HPSE2: variants seen among roughly 807,000 people sequenced by gnomAD.
HPSE2 encodes the protein inactive heparanase-2.
In HPSE2, 38 loss-of-function variants were observed where a neutral mutation model predicts 60.5. The observed-to-expected ratio is 0.63, with a 90% CI of 0.48 to 0.82. The LOEUF (loss-of-function observed/expected upper bound fraction) is 0.82. Ranked by LOEUF, HPSE2 falls within the 40% of genes least tolerant of loss-of-function variation. The pLI is 0.00. For missense variants in HPSE2, 713 were observed against 740.4 expected (o/e 0.96, Z 0.43); for synonymous variants, 295 against 293.2 (o/e 1.01, Z -0.06).
chr10:99,238,182 T>C (rs1382240863), upstream of HPSE2, among the ~76,000 whole-genome samples: 9 of 152,210 alleles, frequency 5.9e-5, no homozygotes, highest in Non-Finnish European at 8.8e-5. Flanking sequence ...TAAAATACCC[T>C]TGGCTTACAA....
the HPSE2 span, among the ~76,000 whole-genome samples, chr10:99,283,936 T>C: frequency 6.6e-6 from 1 of 152,050 alleles, no homozygotes; most frequent in Non-Finnish European, 1.5e-5. Context: ...CACTGATGAG[T>C]TCTACCAATT....
rs182966919 is a variant in HPSE2, at chr10:99,126,817, T to C, written c.610+17421A>G. Reference sequence around the variant, plus strand: ...TGAGACCTGAAGATGGATCACATCATAGGACTCTTTGCAGACATTCCCCAG... The same window carrying C: ...TGAGACCTGAAGATGGATCACATCACAGGACTCTTTGCAGACATTCCCCAG... On this transcript the variant is annotated intron_variant, in intron 3 of 11. Transcript: ENST00000370552. This position sits in a 1 kb window ranked among gnomAD's most constrained non-coding sequence, Gnocchi z 4.0. Among the ~76,000 whole-genome samples the C allele has an allele frequency of 2.7e-3, 412 of 152,284 alleles. 2 individuals carry two copies. Among genetic ancestry groups the C allele is most frequent in the Middle Eastern group, 0.02 (6 of 294 alleles).
chr10:98,582,507 T>C (rs1482667384), intron 9 of HPSE2, among the ~76,000 whole-genome samples: 2 of 152,196 alleles, frequency 1.3e-5, no homozygotes, highest in African/African-American at 4.8e-5. Context: ...GGCAGGTTGC[T>C]AGGGCAAGAC....
intron 6 of HPSE2, among the ~76,000 whole-genome samples, chr10:98,666,984 T>G (rs1947379858): frequency 6.7e-6 from 1 of 149,940 alleles, no homozygotes; most frequent in South Asian, 2.1e-4. Context: ...AAACCAAGAG[T>G]TGGTTCTTCA....
intron 2 of HPSE2, among the ~76,000 whole-genome samples, chr10:99,189,551 T>C (rs955355637): frequency 2.0e-5 from 3 of 152,304 alleles, no homozygotes; most frequent in South Asian, 2.1e-4. Flanking sequence ...AGTTTGTGTA[T>C]ATGGGAGCCA....
chr10:98,980,634 T>C lies in HPSE2; in HGVS notation c.610+163604A>G, dbSNP rs183972618. Among the ~76,000 whole-genome samples, 167 of 152,332 alleles carry C rather than the reference T, an allele frequency of 1.1e-3. 1 individual carries two copies. Among genetic ancestry groups the C allele is most frequent in the Admixed American group, 3.3e-3 (50 of 15,298 alleles). On this transcript the variant is annotated intron_variant, in intron 3 of 11. Coordinates refer to ENST00000370552, the MANE Select transcript of HPSE2 (RefSeq NM_021828.5). The stretch of plus-strand genomic sequence containing the variant: ...AAGTCTGGCCGCTGGGATTGACTGA[T>C]ACACAGCTGTTGTTACAGTAGCATA...
intron 9 of HPSE2, among the ~76,000 whole-genome samples, chr10:98,609,986 T>C (rs528454869): frequency 1.3e-5 from 2 of 152,016 alleles, no homozygotes; most frequent in Non-Finnish European, 2.9e-5. Flanking sequence ...GGACTACAGG[T>C]GCCCGCCACC....
rs1206651663 is a variant in HPSE2 at position 98,931,486 on chromosome 10, T to G, written c.611-187430A>C. On this transcript the variant is annotated intron_variant, in intron 3 of 11. Coordinates refer to ENST00000370552, the MANE Select transcript of HPSE2 (RefSeq NM_021828.5). Reference sequence around the variant, plus strand: ...TGGTTCCATATAAATTTTAAAAGTTTTTTCTAATTCTGTGAAGAATGTCAA... The same window carrying G: ...TGGTTCCATATAAATTTTAAAAGTTGTTTCTAATTCTGTGAAGAATGTCAA... Among the ~76,000 whole-genome samples, 4 of 144,074 alleles carry G rather than the reference T, an allele frequency of 2.8e-5. 1 individual carries two copies. Among genetic ancestry groups the G allele is most frequent in the African/African-American group, 8.5e-5 (3 of 35,460 alleles). The allele number at this position is 144,074 out of a possible 152,430, so 94.5% of individuals were successfully genotyped here. A position where few individuals can be genotyped will look rare whatever the true frequency, so the allele number is the denominator to read the frequency against.
In HPSE2 at chr10:98,617,196, A is replaced by G. The variant is rs552987557; in HGVS notation, c.1206-2178T>C. Among the ~76,000 whole-genome samples, 12 of 152,308 alleles carry G rather than the reference A, an allele frequency of 7.9e-5. No individual in the cohort carries two copies. In the East Asian group the frequency reaches 1.7e-3, roughly 22 times the overall value. ...TACAGGGCTCTATCTTGGTGTTTTT[A>G]TATGTGAAAAGATCCTACTTGTTTA... On this transcript the variant is annotated intron_variant, in intron 8 of 11. Coordinates refer to ENST00000370552, the MANE Select transcript of HPSE2 (RefSeq NM_021828.5).
intron 5 of HPSE2, among the ~76,000 whole-genome samples, chr10:98,708,260 T>C (rs184645607): frequency 1.8e-4 from 27 of 152,094 alleles, no homozygotes; most frequent in African/African-American, 6.0e-4. Context: ...ATCAAGACTA[T>C]CCTCACTAAC....
At chr10:98,606,102 G>A (rs1945577349) in intron 9 of HPSE2, among the ~76,000 whole-genome samples, 1 of 152,110 alleles carries the variant, frequency 6.6e-6, no homozygotes, top group Non-Finnish European at 1.5e-5. Flanking sequence ...CTCCAGTGAG[G>A]ACAGGGATCT....
intron 9 of HPSE2, among the ~76,000 whole-genome samples, chr10:98,538,742 T>C (rs1043596960): frequency 6.6e-6 from 1 of 152,154 alleles, no homozygotes; most frequent in Non-Finnish European, 1.5e-5. Flanking sequence ...TTAATTAATG[T>C]GGCTTTTGAT....
At chr10:98,721,454 C>G (rs187275010) in intron 5 of HPSE2, among the ~76,000 whole-genome samples, 1 of 152,048 alleles carries the variant, frequency 6.6e-6, no homozygotes, top group African/African-American at 2.4e-5. Context: ...CCCACCACCC[C>G]CTGTTGACTA....
the HPSE2 span, among the ~76,000 whole-genome samples, chr10:99,290,389 A>T: frequency 6.6e-6 from 1 of 152,316 alleles, no homozygotes; most frequent in East Asian, 1.9e-4. Context: ...AGGTCTAAGT[A>T]AGGCTTCCTA....
chr10:98,913,956 A>G (rs775030417), intron 3 of HPSE2, among the ~76,000 whole-genome samples: 1 of 152,210 alleles, frequency 6.6e-6, no homozygotes, highest in African/African-American at 2.4e-5. Flanking sequence ...TCTCTTTCCC[A>G]TATAATCACT....
At chr10:98,771,558 C>G (rs1950241257) in intron 3 of HPSE2, among the ~76,000 whole-genome samples, 2 of 152,176 alleles carry the variant, frequency 1.3e-5, no homozygotes, top group South Asian at 4.1e-4. Flanking sequence ...GATAGCCCAA[C>G]TAAGAAAACA....
chr10:98,954,476 A>C (rs905800827), intron 3 of HPSE2, among the ~76,000 whole-genome samples: 4 of 152,198 alleles, frequency 2.6e-5, no homozygotes, highest in Admixed American at 1.3e-4. Context: ...CACTTGTGAG[A>C]GTTAACACAT....
chr10:99,251,326 G>C, the HPSE2 span, among the ~76,000 whole-genome samples: 1 of 152,148 alleles, frequency 6.6e-6, no homozygotes, highest in Non-Finnish European at 1.5e-5. Flanking sequence ...CCAATATCAA[G>C]TTCAGAAATG....
chr10:98,541,966 G>A (rs1355579678), intron 9 of HPSE2, among the ~76,000 whole-genome samples: 1 of 149,984 alleles, frequency 6.7e-6, no homozygotes, highest in African/African-American at 2.4e-5. Flanking sequence ...GAAGAGAGCA[G>A]TGGTTCTCCC....
Sources: gnomAD v4.1 joint callset for allele counts (sites outside exome capture counted in the v4.1 genomes callset) on GRCh38, gnomAD v4.1.1 for gene constraint, Gnocchi (gnomAD v3.1) non-coding constraint, MANE v1.5 for transcripts, NCBI Gene and HGNC (gene_info 2026-07-23, HGNC 2026-07-21) for gene names.